The following CTNNA3 variants were observed in gnomAD, a reference collection of about 807,000 sequenced individuals.
CTNNA3 encodes the protein catenin alpha 3, also known as catenin alpha-3.
A neutral mutation model predicts 95.7 loss-of-function variants in CTNNA3; 76 were observed. The observed-to-expected ratio is 0.79, with a 90% CI of 0.66 to 0.96. CTNNA3 has a LOEUF of 0.96. Ranked by LOEUF, CTNNA3 falls within the 40% of genes least tolerant of loss-of-function variation. CTNNA3 has a pLI of 0.00. For synonymous variants in CTNNA3, 431 were observed against 374.4 expected, an observed-to-expected ratio of 1.15 and a Z score of -1.74; for missense variants, 1,191 against 1,089.8, an observed-to-expected ratio of 1.09 and a Z score of -1.31.
At chr10:65,977,261 C>T (rs1343954641) in intron 16 of CTNNA3, among the ~76,000 whole-genome samples, 2 of 151,970 alleles carry the variant, frequency 1.3e-5, no homozygotes, top group Non-Finnish European at 2.9e-5. Flanking sequence ...GGCATTTCAG[C>T]CTATGTGGTT....
chr10:65,938,518 C>T (rs1394287325), intron 17 of CTNNA3, among the ~76,000 whole-genome samples: 2 of 152,106 alleles, frequency 1.3e-5, no homozygotes, highest in African/African-American at 4.8e-5. Context: ...TTGGAAGAGG[C>T]TTGACAGAAG....
chr10:66,362,686 C>G (rs1319147977), intron 12 of CTNNA3, among the ~76,000 whole-genome samples: 2 of 151,742 alleles, frequency 1.3e-5, no homozygotes. Flanking sequence ...GCACTCCACC[C>G]TGGGCAACAG....
At chr10:66,364,306 G>A (rs972395552) in intron 12 of CTNNA3, among the ~76,000 whole-genome samples, 1 of 127,420 alleles carries the variant, frequency 7.8e-6, no homozygotes, top group African/African-American at 2.5e-5. Flanking sequence ...ACTTTGGGAG[G>A]CTGAGGTGGG....
intron 9 of CTNNA3, among the ~76,000 whole-genome samples, chr10:66,689,222 G>A (rs1249211126): frequency 6.6e-6 from 1 of 152,066 alleles, no homozygotes; most frequent in Non-Finnish European, 1.5e-5. Flanking sequence ...TTCTGAAATA[G>A]GCAGAGTAAG....
intron 12 of CTNNA3, among the ~76,000 whole-genome samples, chr10:66,292,635 G>A (rs1045278938): frequency 2.0e-5 from 3 of 152,026 alleles, no homozygotes; most frequent in African/African-American, 2.4e-5. Flanking sequence ...GAAGTTAAGA[G>A]GATTAATAAG....
At position 66,786,624 on chromosome 10, in the gene CTNNA3, T is replaced by C. The variant is rs73310833; in HGVS notation, c.1048-11100A>G. ...TTTTCAGCCAGGGTGAAGGGAATAA[T>C]TTACCCAACTGTATAAAATCAATGA... On this transcript the variant is annotated intron_variant, in intron 7 of 17. Coordinates refer to ENST00000433211, the MANE Select transcript of CTNNA3 (RefSeq NM_013266.4). 8.4e-3 allele frequency among the ~76,000 whole-genome samples: 1,283 copies of C among 152,274 alleles called. 18 individuals are homozygous for C. The highest frequency in any genetic ancestry group is 0.029 in the African/African-American group (1,205 of 41,548).
At chr10:66,361,113 T>C (rs12784445) in intron 12 of CTNNA3, among the ~76,000 whole-genome samples, 14,610 of 148,382 alleles carry the variant, frequency 0.098, 939 homozygotes, top group South Asian at 0.19. Context: ...TGCACCTTCA[T>C]ACCCAGCTAA....
At chr10:67,392,626 C>G (rs1387108337) in intron 5 of CTNNA3, among the ~76,000 whole-genome samples, 1 of 152,112 alleles carries the variant, frequency 6.6e-6, no homozygotes, top group African/African-American at 2.4e-5. Flanking sequence ...TTGCGGCACT[C>G]TTCACAAGAG....
chr10:66,777,791 ACACACATG>A (rs1295007642), intron 7 of CTNNA3, among the ~76,000 whole-genome samples: 2 of 115,932 alleles, frequency 1.7e-5, no homozygotes, highest in African/African-American at 2.9e-5. Context: ...ACACACACAC[ACACACATG>A]CACACACACA....
rs1020014011 is a variant in CTNNA3 at position 67,568,540 on chromosome 10, T to C, written c.293-28871A>G. 6.6e-5 allele frequency among the ~76,000 whole-genome samples: 10 copies of C among 151,748 alleles called. 1 individual carries two copies. The highest frequency in any genetic ancestry group is 6.6e-4 in the Admixed American group (10 of 15,194). ...ACACACACATATATATATGCATATT[T>C]ATATGCACACAGACACACACACATA... On this transcript the variant is annotated intron_variant, in intron 3 of 17. Transcript: ENST00000433211.
At chr10:67,303,071 T>C (rs12358074) in intron 5 of CTNNA3, among the ~76,000 whole-genome samples, 38,036 of 151,790 alleles carry the variant, frequency 0.25, 6,904 homozygotes, top group African/African-American at 0.51. Flanking sequence ...TGTATTGTAA[T>C]AAACTCATCC....
chr10:67,165,618 A>C (rs1012557716), intron 7 of CTNNA3, among the ~76,000 whole-genome samples: 7 of 152,328 alleles, frequency 4.6e-5, no homozygotes, highest in Admixed American at 1.3e-4. Flanking sequence ...TGTCTTTGCT[A>C]CTTCCTTTGA....
intron 7 of CTNNA3, among the ~76,000 whole-genome samples, chr10:66,883,114 A>G (rs1226503404): frequency 3.3e-5 from 5 of 152,108 alleles, no homozygotes; most frequent in Non-Finnish European, 1.5e-5. Context: ...AGTTGTAGAG[A>G]CAATGTTGAT....
rs2131807086 is a variant in CTNNA3, at chr10:66,445,948, G to A, written c.1532-66596C>T. 2.0e-5 allele frequency among the ~76,000 whole-genome samples: 3 copies of A among 152,164 alleles called. No individual in the cohort carries two copies. The South Asian group carries it at 6.2e-4, about 32-fold the overall frequency. On this transcript the variant is annotated intron_variant, in intron 11 of 17. Coordinates refer to ENST00000433211, the MANE Select transcript of CTNNA3 (RefSeq NM_013266.4). ...CTATCAAGGCTAAGAAGGAAGAAAA[G>A]AGAGAAGAATCAAATAGATGCAATA...
intron 7 of CTNNA3, among the ~76,000 whole-genome samples, chr10:67,145,726 G>T (rs1429591750): frequency 6.6e-6 from 1 of 151,894 alleles, no homozygotes; most frequent in Non-Finnish European, 1.5e-5. Context: ...ACTGCGCCCG[G>T]CCTGATATTA....
intron 9 of CTNNA3, among the ~76,000 whole-genome samples, chr10:66,744,143 C>T (rs113564826): frequency 1.4e-4 from 21 of 152,080 alleles, no homozygotes; most frequent in South Asian, 1.0e-3. Flanking sequence ...TAAAATGATC[C>T]GAATCCATGC....
chr10:66,856,955 C>A (rs1273752539), intron 7 of CTNNA3, among the ~76,000 whole-genome samples: 2 of 151,856 alleles, frequency 1.3e-5, no homozygotes, highest in Non-Finnish European at 2.9e-5. Flanking sequence ...TTGCTTTTGG[C>A]ATTTTTGTCA....
At chr10:67,121,342 G>T (rs1331616035) in intron 7 of CTNNA3, among the ~76,000 whole-genome samples, 2 of 152,024 alleles carry the variant, frequency 1.3e-5, no homozygotes, top group African/African-American at 4.8e-5. Flanking sequence ...CTCACTGATA[G>T]ACACCAGAAT....
At chr10:67,175,822 T>C (rs184381609) in intron 7 of CTNNA3, among the ~76,000 whole-genome samples, 2 of 152,312 alleles carry the variant, frequency 1.3e-5, no homozygotes, top group African/African-American at 4.8e-5. Flanking sequence ...AACTCAAACA[T>C]GATGGCTGCC....
Sources: gnomAD v4.1 joint callset for allele counts (sites outside exome capture counted in the v4.1 genomes callset) on GRCh38, gnomAD v4.1.1 for gene constraint, MANE v1.5 for transcripts, NCBI Gene and HGNC (gene_info 2026-07-23, HGNC 2026-07-21) for gene names.